The following RPH3A variants were observed in gnomAD, a reference collection of about 807,000 sequenced individuals.
RPH3A encodes the protein rabphilin-3A.
Under a neutral mutation model 102.2 loss-of-function variants are expected in RPH3A, and 48 were observed. That is an observed-to-expected ratio of 0.47 (90% CI 0.37 to 0.60). RPH3A has a LOEUF of 0.60. Among genes scored for constraint, RPH3A ranks in the 20% least tolerant of loss-of-function variants. RPH3A has a pLI of 0.00. For missense variants in RPH3A, 781 were observed against 910.1 expected, an observed-to-expected ratio of 0.86 and a Z score of 1.83; for synonymous variants, 310 against 324.3, an observed-to-expected ratio of 0.96 and a Z score of 0.47.
chr12:112,874,009 A>G (rs542880182), intron 10 of RPH3A: 1 of 152,322 alleles, frequency 6.6e-6, no homozygotes, highest in African/African-American at 2.4e-5. Flanking sequence ...GAACAAACAA[A>G]TGGCAGTGCT....
intron 4 of RPH3A, 83 bp from the exon 5 acceptor site, chr12:112,847,613 G>A (rs1038329525): frequency 1.4e-6 from 2 of 1,461,044 alleles, no homozygotes; most frequent in South Asian, 1.3e-5. Context: ...TTTGTCCACA[G>A]TTTCCCAGAC....
chr12:112,889,006 C>G (rs1211620629), intron 17 of RPH3A, among the ~76,000 whole-genome samples: 1 of 152,228 alleles, frequency 6.6e-6, no homozygotes, highest in African/African-American at 2.4e-5. Context: ...CTCTGGGCAG[C>G]CTGCCTGCTC....
At chr12:112,858,269 A>G (rs2042444611) in intron 5 of RPH3A, among the ~76,000 whole-genome samples, 1 of 138,994 alleles carries the variant, frequency 7.2e-6, no homozygotes, top group Non-Finnish European at 1.5e-5. Context: ...CCTGTCTCAA[A>G]AAAAAAAAAA....
chr12:112,632,413 G>A (rs769603747), intron 1 of RPH3A, among the ~76,000 whole-genome samples: 7 of 151,984 alleles, frequency 4.6e-5, no homozygotes. Context: ...CATTGCATGC[G>A]TTATTCAGCT....
chr12:112,799,298 G>A (rs2041294791), intron 2 of RPH3A, among the ~76,000 whole-genome samples: 1 of 152,160 alleles, frequency 6.6e-6, no homozygotes, highest in South Asian at 2.1e-4. Context: ...TGAGGCAGGA[G>A]GATCACTTGA....
At chr12:112,872,114 C>A (rs748790936) in intron 10 of RPH3A, among the ~76,000 whole-genome samples, 1 of 152,160 alleles carries the variant, frequency 6.6e-6, no homozygotes, top group Non-Finnish European at 1.5e-5. Context: ...TGAGGAACCA[C>A]CATTCCGTTT....
At chr12:112,880,514 C>T (rs1241615462) in intron 14 of RPH3A, among the ~76,000 whole-genome samples, 1 of 152,092 alleles carries the variant, frequency 6.6e-6, no homozygotes, top group Admixed American at 6.6e-5. Context: ...GGGATGGAGC[C>T]CATCTTTACA....
chr12:112,896,937 T>G lies in RPH3A; in HGVS notation c.*157T>G. 1 of 692,446 alleles carries G rather than the reference T, an allele frequency of 1.4e-6. No homozygotes were observed. Among genetic ancestry groups the G allele is most frequent in the Non-Finnish European group, 2.4e-6 (1 of 419,022 alleles). 42.9% of individuals were successfully genotyped at this position (692,446 alleles called of 1,614,324 possible). A position where few individuals can be genotyped will look rare whatever the true frequency, so the allele number is the denominator to read the frequency against. On this transcript the variant is annotated 3_prime_UTR_variant, in exon 22 of 22. Coordinates refer to ENST00000389385, the MANE Select transcript of RPH3A (RefSeq NM_001143854.2). ...GAGCCCCCGTCACGTTGGGCACTGC[T>G]GCCAAAGACTCCCTCCTCCCTGATG...
intron 2 of RPH3A, among the ~76,000 whole-genome samples, chr12:112,805,320 A>ATT (rs58523157): frequency 1.9e-3 from 279 of 149,688 alleles, no homozygotes; most frequent in East Asian, 7.4e-3. Context: ...ATCTTCTGGG[A>ATT]TTTTTTTTTT....
At chr12:112,832,935 CTCTTT>C (rs1349419200) in intron 3 of RPH3A, among the ~76,000 whole-genome samples, 9 of 108,806 alleles carry the variant, frequency 8.3e-5, no homozygotes, top group Non-Finnish European at 1.7e-4. Flanking sequence ...AATTATTTCA[CTCTTT>C]TTTTTTTTTT....
intron 1 of RPH3A, among the ~76,000 whole-genome samples, chr12:112,643,283 A>G (rs2039903823): frequency 6.6e-6 from 1 of 152,156 alleles, no homozygotes; most frequent in Non-Finnish European, 1.5e-5. Context: ...GGATAGAACC[A>G]TGACTCATGT....
chr12:112,732,926 G>A (rs1405834218), intron 1 of RPH3A, among the ~76,000 whole-genome samples: 1 of 152,158 alleles, frequency 6.6e-6, no homozygotes, highest in Non-Finnish European at 1.5e-5. Context: ...ATTGGACTTT[G>A]GGAATGTTTT....
intron 2 of RPH3A, among the ~76,000 whole-genome samples, chr12:112,823,624 G>T (rs1334766898): frequency 6.6e-6 from 1 of 152,140 alleles, no homozygotes; most frequent in Non-Finnish European, 1.5e-5. Flanking sequence ...TGGTCCTAGG[G>T]CTGGAATTTG....
chr12:112,791,902 G>GAGAGAGAGAGAGAC lies in RPH3A; in HGVS notation c.-247_-246insGAGAGAGAGACAGA, dbSNP rs1372107619. 1 of 150,880 alleles carries GAGAGAGAGAGAGAC rather than the reference G, an allele frequency of 6.6e-6. No homozygotes were observed. The highest frequency in any genetic ancestry group is 2.5e-5 in the African/African-American group (1 of 40,568). The allele number at this position is 150,880 out of a possible 1,614,324, so 9.3% of individuals were successfully genotyped here. A position where few individuals can be genotyped will look rare whatever the true frequency, so the allele number is the denominator to read the frequency against. ...AGAGAGAGAGAGAGAGAGAGAGAGA[G>GAGAGAGAGAGAGAC]AGACTCACAGAGCTAAAACCTTCAT... On this transcript the variant is annotated 5_prime_UTR_variant, in exon 1 of 22. Coordinates refer to ENST00000389385, the MANE Select transcript of RPH3A (RefSeq NM_001143854.2).
intron 1 of RPH3A, among the ~76,000 whole-genome samples, chr12:112,770,594 T>C (rs2040921018): frequency 6.6e-6 from 1 of 152,136 alleles, no homozygotes; most frequent in South Asian, 2.1e-4. Context: ...TCCACCTGCC[T>C]TGGCCTCCTA....
At chr12:112,883,228 G>A (rs1461624283) in intron 15 of RPH3A, 65 bp from the exon 16 acceptor site, 45 of 1,287,800 alleles carry the variant, frequency 3.5e-5, no homozygotes, top group South Asian at 4.9e-5. Context: ...CAGCCCAAAC[G>A]ATGGGGTTCC....
At chr12:112,879,028 A>C in intron 13 of RPH3A, 91 bp from the exon 14 acceptor site, 1 of 1,153,930 alleles carries the variant, frequency 8.7e-7, no homozygotes, top group Admixed American at 1.9e-5. Context: ...CTCAATTCAC[A>C]GCCCAGCCTG....
chr12:112,599,976 G>A (rs544466371), intron 1 of RPH3A, among the ~76,000 whole-genome samples: 1 of 152,322 alleles, frequency 6.6e-6, no homozygotes, highest in East Asian at 1.9e-4. Flanking sequence ...AACAGTGTCT[G>A]CCTCCGGAGT....
intron 1 of RPH3A, among the ~76,000 whole-genome samples, chr12:112,768,782 C>T (rs2040908762): frequency 6.6e-6 from 1 of 152,070 alleles, no homozygotes; most frequent in Non-Finnish European, 1.5e-5. Context: ...CATGGTGACA[C>T]ACTTCTGTAA....
Sources: allele counts gnomAD v4.1 joint callset (sites outside exome capture counted in the v4.1 genomes callset), GRCh38; gene constraint gnomAD v4.1.1; transcripts MANE v1.5; gene names NCBI Gene and HGNC (gene_info 2026-07-23, HGNC 2026-07-21).